TIAM1: variants seen among roughly 807,000 people sequenced by gnomAD.
The protein encoded by TIAM1 is TIAM Rac1 associated GEF 1, also known as rho guanine nucleotide exchange factor TIAM1.
A neutral mutation model predicts 163.5 loss-of-function variants in TIAM1; 65 were observed. The ratio of observed to expected loss-of-function variants is 0.40; its 90% CI spans 0.33 to 0.49. The LOEUF (loss-of-function observed/expected upper bound fraction) is 0.49. Ranked by LOEUF, TIAM1 falls within the 20% of genes least tolerant of loss-of-function variation. The pLI is 0.77. For missense variants in TIAM1, 1,789 were observed against 2,044.7 expected (o/e 0.87, Z 2.41); for synonymous variants, 833 against 810.1 (o/e 1.03, Z -0.48).
At chr21:31,208,621 T>TGTCA (rs1260914932) in intron 11 of TIAM1, among the ~76,000 whole-genome samples, 2 of 152,240 alleles carry the variant, frequency 1.3e-5, no homozygotes, top group Non-Finnish European at 2.9e-5. Flanking sequence ...TTAGCATCCA[T>TGTCA]GTCAGGGCTG....
rs780427376 is a variant in TIAM1 at position 31,266,201 on chromosome 21, G to A, written c.772C>T (p.Arg258Trp). 4.0e-5 allele frequency: 64 copies of A among 1,614,000 alleles called. No individual in the cohort carries two copies. Among genetic ancestry groups the A allele is most frequent in the Non-Finnish European group, 5.0e-5 (59 of 1,180,034 alleles). Residue 258 changes from arginine (R) to tryptophan (W), a missense_variant, in exon 4 of 28, where the codon CGG becomes TGG. Arg to Trp is a moderately radical substitution (Grantham distance 101). Transcript: ENST00000541036. ...TTGGGAATATCAGACACCAAATTCC[G>A]ACAGTAGCCTGCAAATTTGCTCCCC... is the stretch of plus-strand genomic sequence containing the variant. Reference protein sequence around the residue: ...GPGSKFAGYCRNLVSDIPNLA... With the variant: ...GPGSKFAGYCWNLVSDIPNLA...
chr21:31,481,896 G>A (rs2046119207), intron 1 of TIAM1, among the ~76,000 whole-genome samples: 1 of 152,026 alleles, frequency 6.6e-6, no homozygotes, highest in African/African-American at 2.4e-5. Flanking sequence ...CTAAGGAGAG[G>A]ATGGAGCTGA....
chr21:31,552,085 G>T (rs1435512403), intron 1 of TIAM1, among the ~76,000 whole-genome samples: 4 of 121,504 alleles, frequency 3.3e-5, no homozygotes, highest in African/African-American at 6.6e-5. Flanking sequence ...TGAGACGGAG[G>T]CTCACTCTGT....
chr21:31,132,761 T>C (rs532473274), intron 23 of TIAM1, among the ~76,000 whole-genome samples: 2 of 152,266 alleles, frequency 1.3e-5, no homozygotes, highest in Admixed American at 6.5e-5. Flanking sequence ...GACTCCACAG[T>C]GTTGCCCGAT....
intron 2 of TIAM1, among the ~76,000 whole-genome samples, chr21:31,392,812 T>C (rs953152220): frequency 6.6e-5 from 10 of 152,058 alleles, no homozygotes; most frequent in Non-Finnish European, 1.2e-4. Flanking sequence ...TGGCACCGCC[T>C]ACTCTCTCTC....
At chr21:31,486,820 A>G (rs776265912) in intron 1 of TIAM1, among the ~76,000 whole-genome samples, 8 of 152,232 alleles carry the variant, frequency 5.3e-5, no homozygotes, top group Non-Finnish European at 1.2e-4. Context: ...AATGAGAGTC[A>G]TATCACCACT....
rs979370531 is a variant in TIAM1, at chr21:31,295,446, G to A, written c.-188-18538C>T. Among the ~76,000 whole-genome samples, 4 of 136,612 alleles carry A rather than the reference G, an allele frequency of 2.9e-5. 1 individual carries two copies. The highest frequency in any genetic ancestry group is 6.1e-5 in the Non-Finnish European group (4 of 65,574). 89.6% of individuals were successfully genotyped at this position (136,612 alleles called of 152,430 possible). A position where few individuals can be genotyped will look rare whatever the true frequency, so the allele number is the denominator to read the frequency against. Reference sequence around the variant, plus strand: ...GATCACGCCACTGCATTCCAGCCTGGGTGACAGAGTGAGACTCCATCACAA... The same window carrying A: ...GATCACGCCACTGCATTCCAGCCTGAGTGACAGAGTGAGACTCCATCACAA... On this transcript the variant is annotated intron_variant, in intron 2 of 27. Transcript: ENST00000541036.
intron 2 of TIAM1, among the ~76,000 whole-genome samples, chr21:31,327,253 A>G (rs2147051741): frequency 6.6e-6 from 1 of 152,342 alleles, no homozygotes; most frequent in Non-Finnish European, 1.5e-5. Context: ...ATTATCTTCA[A>G]GCATTTTTTA....
chr21:31,190,517 C>A (rs1452257476), intron 13 of TIAM1, among the ~76,000 whole-genome samples: 1 of 152,008 alleles, frequency 6.6e-6, no homozygotes, highest in Admixed American at 6.6e-5. Flanking sequence ...AAACTAGAGT[C>A]CAGGATACAA....
intron 13 of TIAM1, among the ~76,000 whole-genome samples, chr21:31,187,554 A>G (rs2085363399): frequency 6.6e-6 from 1 of 152,196 alleles, no homozygotes; most frequent in African/African-American, 2.4e-5. Flanking sequence ...ACAATTCTGC[A>G]AACAGGAGCA....
chr21:31,409,644 C>T (rs2077310975), intron 2 of TIAM1, among the ~76,000 whole-genome samples: 1 of 152,206 alleles, frequency 6.6e-6, no homozygotes, highest in Non-Finnish European at 1.5e-5. Context: ...CACCACAGGC[C>T]CGCTTCCCTT....
chr21:31,129,141 T>C (rs543689253), intron 25 of TIAM1, among the ~76,000 whole-genome samples: 82 of 152,194 alleles, frequency 5.4e-4, no homozygotes, highest in Non-Finnish European at 1.0e-3. Context: ...AGAGTTTCCA[T>C]TTGACTCTCC....
chr21:31,166,324 A>G (rs758702480), intron 15 of TIAM1, among the ~76,000 whole-genome samples: 1 of 152,180 alleles, frequency 6.6e-6, no homozygotes, highest in South Asian at 2.1e-4. Flanking sequence ...AGAGAGAAGG[A>G]AAGAGAAGAA....
intron 2 of TIAM1, among the ~76,000 whole-genome samples, chr21:31,421,810 T>C (rs2043584736): frequency 6.6e-6 from 1 of 151,948 alleles, no homozygotes; most frequent in Non-Finnish European, 1.5e-5. Context: ...AGCAACACAG[T>C]GAGACCCTAT....
At chr21:31,422,562 C>T (rs1431189452) in intron 2 of TIAM1, among the ~76,000 whole-genome samples, 3 of 152,090 alleles carry the variant, frequency 2.0e-5, no homozygotes, top group African/African-American at 7.2e-5. Context: ...GCTGAACATA[C>T]ATATAACAAA....
intron 2 of TIAM1, among the ~76,000 whole-genome samples, chr21:31,277,369 G>A (rs2073343381): frequency 6.6e-6 from 1 of 152,248 alleles, no homozygotes; most frequent in South Asian, 2.1e-4. Context: ...GCATGGGCTG[G>A]GCGTGGTGGC....
intron 2 of TIAM1, among the ~76,000 whole-genome samples, chr21:31,369,443 A>T (rs2076558186): frequency 6.6e-6 from 1 of 152,148 alleles, no homozygotes; most frequent in African/African-American, 2.4e-5. Context: ...AAGGTTGCTT[A>T]ACAGATACCA....
intron 2 of TIAM1, among the ~76,000 whole-genome samples, chr21:31,320,732 G>A (rs1601949897): frequency 2.0e-5 from 3 of 152,146 alleles, no homozygotes; most frequent in Admixed American, 2.0e-4. Flanking sequence ...GGCGGCTCAC[G>A]CCTGTAATCC....
chr21:31,396,191 G>A (rs954340187), intron 2 of TIAM1, among the ~76,000 whole-genome samples: 1 of 152,180 alleles, frequency 6.6e-6, no homozygotes, highest in African/African-American at 2.4e-5. Flanking sequence ...CTTGTTTGTG[G>A]TTCAACTTAT....
Sources: allele counts gnomAD v4.1 joint callset (sites outside exome capture counted in the v4.1 genomes callset), GRCh38; gene constraint gnomAD v4.1.1; transcripts MANE v1.5; gene names NCBI Gene and HGNC (gene_info 2026-07-23, HGNC 2026-07-21).